Variants in BEST3 observed in about 807,000 individuals in gnomAD.
The protein encoded by BEST3 is bestrophin 3.
A neutral mutation model predicts 47.1 loss-of-function variants in BEST3; 50 were observed. That is an observed-to-expected ratio of 1.06 (90% confidence interval 0.85 to 1.34). The LOEUF (loss-of-function observed/expected upper bound fraction) is 1.34, where lower values mean the gene tolerates loss of function less well. BEST3 is among the 40% of genes most tolerant of loss of function. The probability of loss-of-function intolerance (pLI) is 0.00; values close to 1 mark genes in which losing one functional copy is unlikely to be tolerated. For missense variants in BEST3, 765 were observed against 817.0 expected, an observed-to-expected ratio of 0.94 and a Z score of 0.78; for synonymous variants, 282 against 298.8, an observed-to-expected ratio of 0.94 and a Z score of 0.58.
intron 4 of BEST3, 88 bp downstream of exon 4, chr12:69,693,586 T>C: frequency 8.8e-7 from 1 of 1,131,390 alleles, no homozygotes; most frequent in Non-Finnish European, 1.3e-6. Flanking sequence ...CTTGAGTGAA[T>C]AAACAAACAT....
At chr12:69,644,071 T>G (rs1882957827) in intron 9 of BEST3, among the ~76,000 whole-genome samples, 1 of 152,190 alleles carries the variant, frequency 6.6e-6, no homozygotes, top group East Asian at 1.9e-4. Context: ...GAGTTTAAGT[T>G]GTTGCCAGTG....
chr12:69,681,789 T>C (rs1885267237), intron 4 of BEST3, among the ~76,000 whole-genome samples: 1 of 151,822 alleles, frequency 6.6e-6, no homozygotes, highest in South Asian at 2.1e-4. Context: ...TTTTAGAAAA[T>C]ACCAATGGCA....
In BEST3 at chr12:69,697,898, T is replaced by G; in HGVS notation, c.-15-85A>C. The G allele has an allele frequency of 4.5e-6, 5 of 1,120,246 alleles. No individual in the cohort carries two copies. The South Asian group carries it at 8.7e-5, about 20-fold the overall frequency. The allele number at this position is 1,120,246 out of a possible 1,614,324, so 69.4% of individuals were successfully genotyped here. On this transcript the variant is annotated intron_variant, in intron 1 of 9. Coordinates refer to ENST00000330891, the MANE Select transcript of BEST3 (RefSeq NM_032735.3). Reference sequence around the variant, plus strand: ...CTGTATGTCTGTATATCAAGGAAATTCAAGCCAGCAACTAGTCAGCCATAT... The same window carrying G: ...CTGTATGTCTGTATATCAAGGAAATGCAAGCCAGCAACTAGTCAGCCATAT...
Position 69,655,660 on chromosome 12 carries a change from A to G in BEST3, c.1254T>C (p.Ser418=). ...CTCGGGGTAAGAACATGGAGCTGTC[A>G]CTTGTCTGCCTCCTGTAGCTTCTTC... is the stretch of plus-strand genomic sequence containing the variant. ...PRRRSYRRQT[S]DSSMFLPRDD... is the part of the protein sequence containing the mutation. The change falls in exon 10 of 10, where the codon AGT becomes AGC. Residue 418 remains serine (S), a synonymous_variant. Coordinates refer to ENST00000330891, the MANE Select transcript of BEST3 (RefSeq NM_032735.3). 1 of 1,613,934 alleles carries G rather than the reference A, an allele frequency of 6.2e-7. No individual in the cohort carries two copies. Among genetic ancestry groups the G allele is most frequent in the Non-Finnish European group, 8.5e-7 (1 of 1,179,980 alleles).
intron 9 of BEST3, chr12:69,670,284 C>A: frequency 1.7e-6 from 1 of 599,318 alleles, no homozygotes; most frequent in Non-Finnish European, 3.0e-6. Context: ...CTGGAAGGAG[C>A]CCTGGGTGGG....
chr12:69,669,406 T>C (rs984369523), intron 9 of BEST3, among the ~76,000 whole-genome samples: 2 of 152,234 alleles, frequency 1.3e-5, no homozygotes, highest in Non-Finnish European at 2.9e-5. Flanking sequence ...CCTTTGTCTG[T>C]TCCTCTCTCC....
At chr12:69,677,674 C>T (rs945565549) in intron 5 of BEST3, among the ~76,000 whole-genome samples, 2 of 152,186 alleles carry the variant, frequency 1.3e-5, no homozygotes, top group African/African-American at 4.8e-5. Context: ...CCAGTTACTC[C>T]AGAGGCTGAG....
chr12:69,696,375 T>C (rs1204463217), intron 2 of BEST3, among the ~76,000 whole-genome samples: 1 of 152,210 alleles, frequency 6.6e-6, no homozygotes, highest in East Asian at 1.9e-4. Flanking sequence ...TATTCTGTTC[T>C]ATTCTTAGCA....
At chr12:69,659,846 A>G (rs1000297223) in intron 9 of BEST3, among the ~76,000 whole-genome samples, 3 of 152,144 alleles carry the variant, frequency 2.0e-5, no homozygotes, top group Non-Finnish European at 2.9e-5. Context: ...GAATAAAAGT[A>G]CCCTCATTAT....
downstream of BEST3, among the ~76,000 whole-genome samples, chr12:69,651,905 A>C (rs1192870576): frequency 6.6e-6 from 1 of 152,212 alleles, no homozygotes; most frequent in African/African-American, 2.4e-5. Flanking sequence ...CTTTACTTTC[A>C]TGGCAAATTT....
downstream of BEST3, among the ~76,000 whole-genome samples, chr12:69,651,786 G>GAAAAAA (rs5798944): frequency 1.0e-5 from 1 of 97,152 alleles, no homozygotes; most frequent in Non-Finnish European, 2.5e-5. Context: ...AAAAAAAAAA[G>GAAAAAA]AAAAAAAAAA....
intron 9 of BEST3, among the ~76,000 whole-genome samples, chr12:69,667,838 AGT>A (rs1884324809): frequency 6.6e-6 from 1 of 152,110 alleles, no homozygotes; most frequent in Non-Finnish European, 1.5e-5. Context: ...CCTACCTCAT[AGT>A]AGGCCCTGAA....
chr12:69,693,242 TC>T (rs1565844066), intron 4 of BEST3, among the ~76,000 whole-genome samples: 3 of 129,300 alleles, frequency 2.3e-5, no homozygotes, highest in Admixed American at 9.6e-5. Flanking sequence ...TCTCTCTCTC[TC>T]TCTTTTTTTT....
chr12:69,684,705 T>A, intron 4 of BEST3: 1 of 486,964 alleles, frequency 2.1e-6, no homozygotes, highest in Non-Finnish European at 3.9e-6. Context: ...TTTTTATCTC[T>A]GTGTTTTCCA....
At chr12:69,650,493 T>C (rs1178880074), downstream of BEST3, among the ~76,000 whole-genome samples, 1 of 151,990 alleles carries the variant, frequency 6.6e-6, no homozygotes, top group African/African-American at 2.4e-5. Context: ...CATCAGAAAA[T>C]GTTTGTTGTT....
Position 69,693,760 on chromosome 12 carries a change from A to T in BEST3, c.395T>A (p.Val132Asp). Reference sequence around the variant, plus strand: ...AAAGATGAGCAGGGAGGTGAGATTGACGTAGCGCATCAGCGTCCTTCTAAG... The same window carrying T: ...AAAGATGAGCAGGGAGGTGAGATTGTCGTAGCGCATCAGCGTCCTTCTAAG... ...RLLRRTLMRY[V>D]NLTSLLIFRS... Residue 132 changes from valine (V) to aspartate (D), a missense_variant, in exon 4 of 10, where the codon GTC (valine) becomes GAC (aspartate). Transcript: ENST00000330891. The T allele has an allele frequency of 1.9e-6, 3 of 1,614,156 alleles. No homozygotes were observed. The South Asian group carries it at 3.3e-5, about 18-fold the overall frequency.
intron 4 of BEST3, among the ~76,000 whole-genome samples, chr12:69,680,125 T>C (rs1885155009): frequency 6.6e-6 from 1 of 152,034 alleles, no homozygotes; most frequent in Non-Finnish European, 1.5e-5. Flanking sequence ...AGGTATATTA[T>C]GTGAAACTTT....
At chr12:69,694,526 G>A in intron 2 of BEST3, 62 bp from the exon 3 acceptor site, 1 of 721,108 alleles carries the variant, frequency 1.4e-6, no homozygotes, top group Non-Finnish European at 2.2e-6. Flanking sequence ...TGCTTTGCAA[G>A]TGACATTAAG....
chr12:69,671,302 A>G (rs1310832123), intron 9 of BEST3, 126 bp downstream of exon 9: 1 of 965,070 alleles, frequency 1.0e-6, no homozygotes, highest in African/African-American at 1.7e-5. Context: ...AGTAGCTAGG[A>G]CTACAGGTGA....
Sources: gnomAD v4.1 joint callset for allele counts (sites outside exome capture counted in the v4.1 genomes callset) on GRCh38, gnomAD v4.1.1 for gene constraint, MANE v1.5 for transcripts, NCBI Gene and HGNC (gene_info 2026-07-23, HGNC 2026-07-21) for gene names.